Variants in ERC2 observed in about 807,000 individuals in gnomAD.
ERC2 encodes the protein ERC protein 2.
In ERC2, 42 loss-of-function variants were observed where a neutral mutation model predicts 114.8. The ratio of observed to expected loss-of-function variants is 0.37; its 90% CI spans 0.29 to 0.47. The LOEUF (loss-of-function observed/expected upper bound fraction) is 0.47, where lower values mean the gene tolerates loss of function less well. ERC2 is among the 20% of genes least tolerant of loss of function. The probability of loss-of-function intolerance (pLI) is 0.99; values close to 1 mark genes in which losing one functional copy is unlikely to be tolerated. For synonymous variants in ERC2, 454 were observed against 425.5 expected, an observed-to-expected ratio of 1.07 and a Z score of -0.82; for missense variants, 939 against 1,150.7, an observed-to-expected ratio of 0.82 and a Z score of 2.66.
chr3:56,401,674 G>T (rs1357132914), intron 2 of ERC2, among the ~76,000 whole-genome samples: 1 of 152,164 alleles, frequency 6.6e-6, no homozygotes, highest in African/African-American at 2.4e-5. Context: ...TAGAATAGCT[G>T]CTGGGCAAAG....
chr3:56,418,738 G>A (rs1182686800), intron 2 of ERC2, among the ~76,000 whole-genome samples: 1 of 152,134 alleles, frequency 6.6e-6, no homozygotes, highest in Non-Finnish European at 1.5e-5. Flanking sequence ...ACACTAAATG[G>A]GAAAGTGAAG....
At chr3:55,585,894 A>T (rs2057573472) in intron 17 of ERC2, among the ~76,000 whole-genome samples, 1 of 152,248 alleles carries the variant, frequency 6.6e-6, no homozygotes, top group Non-Finnish European at 1.5e-5. Context: ...TGATAAACAA[A>T]GCGAGGCAGA....
intron 14 of ERC2, among the ~76,000 whole-genome samples, chr3:55,772,177 C>G (rs1490582566): frequency 2.0e-5 from 3 of 152,228 alleles, no homozygotes; most frequent in Non-Finnish European, 4.4e-5. Context: ...AAGTCTCACT[C>G]TGTCACCCAG....
At chr3:55,854,107 G>T (rs11711531) in intron 14 of ERC2, among the ~76,000 whole-genome samples, 113,668 of 151,978 alleles carry the variant, frequency 0.75, 44,060 homozygotes, top group East Asian at 0.98. Flanking sequence ...AAAACCCGTC[G>T]CTACTAAAAA....
At chr3:55,729,626 C>T (rs1220527693) in intron 15 of ERC2, among the ~76,000 whole-genome samples, 1 of 151,812 alleles carries the variant, frequency 6.6e-6, no homozygotes, top group Non-Finnish European at 1.5e-5. Flanking sequence ...TTGCTTGAGT[C>T]TCGGAGTTCA....
Position 56,080,978 on chromosome 3 carries a change from C to T in ERC2, c.1480G>A (p.Ala494Thr). 1 of 1,611,900 alleles carries T rather than the reference C, an allele frequency of 6.2e-7. No individual in the cohort carries two copies. The highest frequency in any genetic ancestry group is 8.5e-7 in the Non-Finnish European group (1 of 1,179,142). The change falls in exon 7 of 18, where the codon GCG becomes ACG. Residue 494 changes from alanine to threonine, a missense_variant. By Grantham distance (58) the Ala-to-Thr change is moderately conservative (BLOSUM62 0). This residue lies in a region of ERC2 where 149 missense variants were observed against 254.6 expected (regional missense o/e 0.59). Transcript: ENST00000288221. ...TTTTCTTCCAGTCGTAATCTCAGCGCATCTACCTGAAATCAGGAAAAAGAC... is the reference window on the plus strand; with the variant it reads ...TTTTCTTCCAGTCGTAATCTCAGCGTATCTACCTGAAATCAGGAAAAAGAC... ...RAAILQTEVDALRLRLEEKES... is the reference protein window; with the variant it reads ...RAAILQTEVDTLRLRLEEKES...
At chr3:56,121,440 T>C (rs1020992993) in intron 6 of ERC2, among the ~76,000 whole-genome samples, 13 of 152,214 alleles carry the variant, frequency 8.5e-5, no homozygotes, top group Non-Finnish European at 1.8e-4. Context: ...ATGTATTATT[T>C]CAAAAGTATA....
intron 3 of ERC2, among the ~76,000 whole-genome samples, chr3:56,247,289 C>T (rs2051778540): frequency 6.6e-6 from 1 of 151,984 alleles, no homozygotes; most frequent in African/African-American, 2.4e-5. Flanking sequence ...TTCTTAGAAA[C>T]AACTTTTTAA....
intron 3 of ERC2, among the ~76,000 whole-genome samples, chr3:56,214,905 G>C (rs921122947): frequency 1.3e-5 from 2 of 152,182 alleles, no homozygotes; most frequent in Admixed American, 1.3e-4. Context: ...CTTCAGAAGT[G>C]AAGGAGAAAT....
rs138691402 is a variant in ERC2, at chr3:55,788,642, G to A, written c.2565-53724C>T. On this transcript the variant is annotated intron_variant, in intron 14 of 17. Coordinates refer to ENST00000288221, the MANE Select transcript of ERC2 (RefSeq NM_015576.3). ...CAATTCTGCAGCTGGTTGGTCAGCT[G>A]ACGGTCTTTGAACACACCCTACCTC... is the stretch of plus-strand genomic sequence containing the variant. Among the ~76,000 whole-genome samples the A allele has an allele frequency of 1.2e-3, 179 of 152,258 alleles. 1 individual carries two copies. The highest frequency in any genetic ancestry group is 3.9e-3 in the African/African-American group (164 of 41,554).
At chr3:56,242,712 GA>G (rs537629744) in intron 3 of ERC2, among the ~76,000 whole-genome samples, 3 of 151,314 alleles carry the variant, frequency 2.0e-5, no homozygotes, top group Non-Finnish European at 4.4e-5. Flanking sequence ...TTCTTCCAAG[GA>G]AAAAAAGGAG....
intron 1 of ERC2, among the ~76,000 whole-genome samples, chr3:56,438,105 A>G: frequency 6.6e-6 from 1 of 152,340 alleles, no homozygotes; most frequent in African/African-American, 2.4e-5. Context: ...TTGAAAAAAC[A>G]TAGAAATTGA....
chr3:56,233,389 G>C (rs1278558315), intron 3 of ERC2, among the ~76,000 whole-genome samples: 1 of 152,206 alleles, frequency 6.6e-6, no homozygotes, highest in Non-Finnish European at 1.5e-5. Flanking sequence ...GGGAGGCCAA[G>C]GCGGGCAGAT....
chr3:55,864,140 CAT>C (rs57657343), intron 14 of ERC2, among the ~76,000 whole-genome samples: 1,773 of 136,942 alleles, frequency 0.013, 32 homozygotes, highest in African/African-American at 0.03. Context: ...TATATATATA[CAT>C]ATATATATAT....
chr3:56,179,569 A>C (rs189820424), intron 3 of ERC2, among the ~76,000 whole-genome samples: 20 of 152,186 alleles, frequency 1.3e-4, no homozygotes, highest in African/African-American at 4.3e-4. Context: ...ATGGTAGCAG[A>C]GTGGAGGCAA....
intron 17 of ERC2, among the ~76,000 whole-genome samples, chr3:55,517,000 C>A (rs776442872): frequency 5.3e-5 from 8 of 152,202 alleles, no homozygotes; most frequent in Non-Finnish European, 8.8e-5. Context: ...GAATCCAGGT[C>A]TTTTGGACTC....
intron 6 of ERC2, among the ~76,000 whole-genome samples, chr3:56,085,581 AT>A (rs1400690501): frequency 6.6e-6 from 1 of 152,190 alleles, no homozygotes; most frequent in Non-Finnish European, 1.5e-5. Flanking sequence ...TGCCCTACAG[AT>A]GGGCCACAGA....
At chr3:55,868,241 G>A (rs1040754926) in intron 14 of ERC2, among the ~76,000 whole-genome samples, 1 of 152,182 alleles carries the variant, frequency 6.6e-6, no homozygotes, top group Non-Finnish European at 1.5e-5. Context: ...AAACACAAGT[G>A]CACAGTCAAG....
intron 17 of ERC2, among the ~76,000 whole-genome samples, chr3:55,576,476 G>A (rs773512290): frequency 3.3e-5 from 5 of 152,208 alleles, no homozygotes; most frequent in Non-Finnish European, 5.9e-5. Flanking sequence ...TGCTTAGGGA[G>A]GTAAAGGGGC....
Sources: allele counts gnomAD v4.1 joint callset (sites outside exome capture counted in the v4.1 genomes callset), GRCh38; gene constraint gnomAD v4.1.1; regional missense constraint gnomAD v4.1.1; transcripts MANE v1.5; gene names NCBI Gene and HGNC (gene_info 2026-07-23, HGNC 2026-07-21).